THSD7B: variants seen among roughly 807,000 people sequenced by gnomAD.
The protein encoded by THSD7B is thrombospondin type-1 domain-containing protein 7B.
Under a neutral mutation model 213.6 loss-of-function variants are expected in THSD7B, and 138 were observed. The observed-to-expected ratio is 0.65, with a 90% confidence interval of 0.56 to 0.74. The LOEUF is 0.74. Ranked by LOEUF, THSD7B falls within the 30% of genes least tolerant of loss-of-function variation. The pLI is 0.00. For missense variants in THSD7B, 1,931 were observed against 1,991.5 expected (o/e 0.97, Z 0.58); for synonymous variants, 742 against 687.0 (o/e 1.08, Z -1.25).
rs545151265 is a variant in THSD7B at position 137,101,741 on chromosome 2, G to T, written c.1199+6620G>T. On this transcript the variant is annotated intron_variant, in intron 4 of 27. Transcript: ENST00000409968. The stretch of plus-strand genomic sequence containing the variant: ...GCCATTACTGAGGCTTGAGTAGGTG[G>T]TTTTCCCCTCACAGTGTAAACAAAG... 7.9e-4 allele frequency among the ~76,000 whole-genome samples: 120 copies of T among 152,288 alleles called. 1 individual carries two copies. The highest frequency in any genetic ancestry group is 1.1e-3 in the Non-Finnish European group (78 of 68,024).
intron 5 of THSD7B, among the ~76,000 whole-genome samples, chr2:137,115,639 G>C (rs1172871112): frequency 4.6e-5 from 7 of 151,920 alleles, no homozygotes; most frequent in African/African-American, 7.3e-5. Flanking sequence ...TTAATTTTTT[G>C]CTCAAAGGAA....
At chr2:137,558,666 T>C (rs1430258586) in intron 15 of THSD7B, among the ~76,000 whole-genome samples, 7 of 152,210 alleles carry the variant, frequency 4.6e-5, no homozygotes, top group Non-Finnish European at 8.8e-5. Context: ...GACAGGGATG[T>C]CCTCTTGCAC....
intron 27 of THSD7B, 57 bp downstream of exon 27, chr2:137,667,918 A>G (rs1683482180): frequency 7.2e-7 from 1 of 1,394,932 alleles, no homozygotes; most frequent in Non-Finnish European, 9.8e-7. Flanking sequence ...TTCATGTTAT[A>G]CTTAAAACAA....
At chr2:137,031,643 A>G (rs113269876) in intron 2 of THSD7B, among the ~76,000 whole-genome samples, 1 of 151,998 alleles carries the variant, frequency 6.6e-6, no homozygotes, top group African/African-American at 2.4e-5. Context: ...AATAATAACA[A>G]TAGCAAAATA....
intron 5 of THSD7B, among the ~76,000 whole-genome samples, chr2:137,127,749 T>G (rs572509032): frequency 2.8e-4 from 43 of 152,242 alleles, no homozygotes; most frequent in African/African-American, 1.0e-3. Context: ...AAACCCCATC[T>G]CTACCAAAAA....
chr2:137,332,006 A>G (rs1573966073), intron 12 of THSD7B, among the ~76,000 whole-genome samples: 1 of 152,150 alleles, frequency 6.6e-6, no homozygotes, highest in Non-Finnish European at 1.5e-5. Flanking sequence ...ACCTCCCTGC[A>G]AGCTGAGGGA....
intron 12 of THSD7B, among the ~76,000 whole-genome samples, chr2:137,380,280 A>G (rs1685744925): frequency 1.3e-5 from 2 of 151,774 alleles, no homozygotes; most frequent in Admixed American, 6.6e-5. Context: ...ATAGCCACGC[A>G]TGGTGGTACA....
intron 15 of THSD7B, among the ~76,000 whole-genome samples, chr2:137,511,142 C>T (rs1216147763): frequency 1.3e-5 from 2 of 152,086 alleles, no homozygotes; most frequent in Non-Finnish European, 2.9e-5. Flanking sequence ...GGATATTGAT[C>T]TGTTCTGAAG....
intron 12 of THSD7B, among the ~76,000 whole-genome samples, chr2:137,328,644 T>C (rs1419818133): frequency 6.6e-6 from 1 of 152,220 alleles, no homozygotes; most frequent in Non-Finnish European, 1.5e-5. Flanking sequence ...AATTCTCTGA[T>C]ATGGTTTGGC....
At position 137,409,706 on chromosome 2, in the gene THSD7B, G is replaced by T. The variant is rs150506274; in HGVS notation, c.2696-1903G>T. ...TTAAGGGAGGTAGAGAAGAAGAATA[G>T]TTCACCAAGTAAAAATAAATAATAT... On this transcript the variant is annotated intron_variant, in intron 13 of 27. Transcript: ENST00000409968. Among the ~76,000 whole-genome samples, 851 of 152,310 alleles carry T rather than the reference G, an allele frequency of 5.6e-3. 12 individuals are homozygous for T. The highest frequency in any genetic ancestry group is 0.02 in the African/African-American group (818 of 41,568).
chr2:137,650,633 T>C (rs1297070725), intron 21 of THSD7B, among the ~76,000 whole-genome samples: 2 of 152,198 alleles, frequency 1.3e-5, no homozygotes, highest in African/African-American at 4.8e-5. Flanking sequence ...ACAAAAGTGG[T>C]AAAAGTAGGC....
intron 1 of THSD7B, among the ~76,000 whole-genome samples, chr2:136,839,158 C>T (rs1360774055): frequency 6.6e-6 from 1 of 152,200 alleles, no homozygotes; most frequent in East Asian, 1.9e-4. Flanking sequence ...CTAGACTATG[C>T]TTTGAGGAGC....
chr2:136,788,367 C>A (rs947387972), intron 1 of THSD7B, among the ~76,000 whole-genome samples: 6 of 152,120 alleles, frequency 3.9e-5, no homozygotes, highest in African/African-American at 1.4e-4. Context: ...TGTGCTGGGA[C>A]TTTTAAGTTA....
At chr2:137,411,262 A>C (rs972271752) in intron 13 of THSD7B, among the ~76,000 whole-genome samples, 1 of 152,352 alleles carries the variant, frequency 6.6e-6, no homozygotes, top group African/African-American at 2.4e-5. Flanking sequence ...TCGTTAGTCA[A>C]GGAGAATGGG....
rs187919104 is a variant in THSD7B, at chr2:137,509,507, T to C, written c.3139-53714T>C. 7.9e-3 allele frequency among the ~76,000 whole-genome samples: 1,204 copies of C among 152,254 alleles called. 15 individuals carry two copies. The highest frequency in any genetic ancestry group is 0.037 in the South Asian group (177 of 4,826). On this transcript the variant is annotated intron_variant, in intron 15 of 27. Coordinates refer to ENST00000409968, the MANE Select transcript of THSD7B (RefSeq NM_001316349.2). ...TCTTTGGATTGGGTATTGATCTATATTGAATTTTATTTGTTTGGTCATTAT... is the reference window on the plus strand; with the variant it reads ...TCTTTGGATTGGGTATTGATCTATACTGAATTTTATTTGTTTGGTCATTAT...
chr2:136,914,147 A>G (rs969885624), intron 2 of THSD7B, among the ~76,000 whole-genome samples: 2 of 152,214 alleles, frequency 1.3e-5, no homozygotes, highest in Non-Finnish European at 2.9e-5. Flanking sequence ...AAAGGAGATC[A>G]TTTTGGAGCT....
rs997301287 is a variant in THSD7B, at chr2:137,677,537, C to T, written c.*932C>T. 2.6e-5 allele frequency: 4 copies of T among 152,428 alleles called. No individual in the cohort carries two copies. The South Asian group carries it at 6.2e-4, about 24-fold the overall frequency. The allele number at this position is 152,428 out of a possible 1,614,324, so 9.4% of individuals were successfully genotyped here. On this transcript the variant is annotated 3_prime_UTR_variant, in exon 28 of 28. Coordinates refer to ENST00000409968, the MANE Select transcript of THSD7B (RefSeq NM_001316349.2). ...ACCTCATTTAATATACATCAAACACCGATCCTGTTTGTACAAAGTCTTGCT... is the reference window on the plus strand; with the variant it reads ...ACCTCATTTAATATACATCAAACACTGATCCTGTTTGTACAAAGTCTTGCT...
At chr2:137,087,003 CT>C (rs1213759214) in intron 3 of THSD7B, among the ~76,000 whole-genome samples, 2 of 152,092 alleles carry the variant, frequency 1.3e-5, no homozygotes, top group Non-Finnish European at 2.9e-5. Flanking sequence ...AAAGGTCCCA[CT>C]AATTGGGAAA....
At chr2:137,623,035 T>G (rs1558863186) in intron 20 of THSD7B, among the ~76,000 whole-genome samples, 2 of 152,084 alleles carry the variant, frequency 1.3e-5, no homozygotes, top group South Asian at 4.1e-4. Flanking sequence ...AAAAAGAGAA[T>G]TTTAGACCAA....
Sources: allele counts gnomAD v4.1 joint callset (sites outside exome capture counted in the v4.1 genomes callset), GRCh38; gene constraint gnomAD v4.1.1; transcripts MANE v1.5; gene names NCBI Gene and HGNC (gene_info 2026-07-23, HGNC 2026-07-21).